PTPRN2: variants seen among roughly 807,000 people sequenced by gnomAD.
PTPRN2 encodes receptor-type tyrosine-protein phosphatase N2.
In PTPRN2, 74 loss-of-function variants were observed where a neutral mutation model predicts 118.8. The observed-to-expected ratio is 0.62, with a 90% confidence interval of 0.52 to 0.76. The LOEUF (loss-of-function observed/expected upper bound fraction) is 0.76. Ranked by LOEUF, PTPRN2 falls within the 30% of genes least tolerant of loss-of-function variation. The pLI is 0.00. For synonymous variants in PTPRN2, 641 were observed against 608.0 expected (o/e 1.05, Z -0.80); for missense variants, 1,481 against 1,394.4 (o/e 1.06, Z -0.99).
chr7:158,207,124 C>A (rs936501027), intron 3 of PTPRN2, among the ~76,000 whole-genome samples: 34 of 148,308 alleles, frequency 2.3e-4, no homozygotes, highest in Non-Finnish European at 4.1e-4. Context: ...CATGTCCCTA[C>A]AAAGGACATG....
At chr7:157,828,364 A>G (rs1807325149) in intron 12 of PTPRN2, among the ~76,000 whole-genome samples, 2 of 152,202 alleles carry the variant, frequency 1.3e-5, no homozygotes, top group Admixed American at 1.3e-4. Context: ...TACAGAGCCC[A>G]TGGACGGAAC....
At chr7:158,164,872 A>T (rs1215916020) in intron 6 of PTPRN2, among the ~76,000 whole-genome samples, 1 of 152,158 alleles carries the variant, frequency 6.6e-6, no homozygotes, top group Non-Finnish European at 1.5e-5. Context: ...GCTGAAGGTC[A>T]CCTCAGCCAT....
chr7:157,589,416 T>G (rs1298393083), intron 17 of PTPRN2, among the ~76,000 whole-genome samples: 1 of 152,146 alleles, frequency 6.6e-6, no homozygotes, highest in Non-Finnish European at 1.5e-5. Flanking sequence ...ATTTGGCAGG[T>G]GGGAGGCGTC....
chr7:158,531,227 T>C (rs1825209229), intron 1 of PTPRN2, among the ~76,000 whole-genome samples: 1 of 152,056 alleles, frequency 6.6e-6, no homozygotes, highest in Non-Finnish European at 1.5e-5. Context: ...CCTACAGCGC[T>C]CAGGTAACGG....
chr7:158,218,436 A>T (rs1480835699), intron 3 of PTPRN2, among the ~76,000 whole-genome samples: 3 of 152,182 alleles, frequency 2.0e-5, no homozygotes, highest in African/African-American at 4.8e-5. Context: ...AAGGTCCTTA[A>T]GGGAGTGCTA....
At chr7:157,626,042 G>A (rs1490694136) in intron 14 of PTPRN2, among the ~76,000 whole-genome samples, 2 of 152,124 alleles carry the variant, frequency 1.3e-5, no homozygotes, top group Admixed American at 6.5e-5. Flanking sequence ...GCAGAGATGA[G>A]GCTCACATCT....
intron 12 of PTPRN2, among the ~76,000 whole-genome samples, chr7:157,757,207 G>T (rs1801839194): frequency 6.7e-6 from 1 of 150,124 alleles, no homozygotes; most frequent in Admixed American, 6.6e-5. Flanking sequence ...AGACCGTCGA[G>T]GAACCCACAG....
chr7:158,503,816 C>T (rs564988039), intron 1 of PTPRN2, among the ~76,000 whole-genome samples: 2 of 152,194 alleles, frequency 1.3e-5, no homozygotes, highest in Admixed American at 6.5e-5. Context: ...GCCTGGCCAA[C>T]GTGGAGAAAC....
At chr7:158,233,966 C>G (rs530667429) in intron 3 of PTPRN2, among the ~76,000 whole-genome samples, 1 of 152,080 alleles carries the variant, frequency 6.6e-6, no homozygotes, top group African/African-American at 2.4e-5. Context: ...ATACAAAAAT[C>G]GAATCAAAAT....
Position 157,794,364 on chromosome 7 carries a change from G to GCGTCTGGC in PTPRN2, c.1788+104301_1788+104308dup, listed in dbSNP as rs535583758. 3.1e-4 allele frequency among the ~76,000 whole-genome samples: 47 copies of GCGTCTGGC among 152,306 alleles called. 1 individual carries two copies. In the East Asian group the frequency reaches 8.5e-3, roughly 28 times the overall value. On this transcript the variant is annotated intron_variant, in intron 12 of 22. Coordinates refer to ENST00000389418, the MANE Select transcript of PTPRN2 (RefSeq NM_002847.5). The surrounding 1 kb of genome is among the most constrained non-coding windows in gnomAD (Gnocchi z 5.2). ...CCAGGCTGCCTGCACTTCCGGTTCT[G>GCGTCTGGC]CGTCTGGCCGGCCTACGGGCACTCG...
chr7:157,571,388 A>G lies in PTPRN2; in HGVS notation c.2837+52T>C. 8.0e-6 allele frequency: 11 copies of G among 1,370,494 alleles called. No homozygotes were observed. In the South Asian group the frequency reaches 1.4e-4, roughly 17 times the overall value. 84.9% of individuals were successfully genotyped at this position (1,370,494 alleles called of 1,614,324 possible). ...TAAGCTTCTGTATTTAATTGCATAG[A>G]TTAGTTTTTGAGGTAGCCAAAACTT... On this transcript the variant is annotated intron_variant, in intron 20 of 22. Coordinates refer to ENST00000389418, the MANE Select transcript of PTPRN2 (RefSeq NM_002847.5).
chr7:157,612,592 G>A (rs1253251818), intron 15 of PTPRN2, among the ~76,000 whole-genome samples: 1 of 152,184 alleles, frequency 6.6e-6, no homozygotes, highest in Non-Finnish European at 1.5e-5. Flanking sequence ...ACCTGTGACC[G>A]ACGGTCTTGG....
chr7:157,603,933 C>T lies in PTPRN2; in HGVS notation c.2418+69G>A, dbSNP rs1460833325. 4.8e-6 allele frequency: 7 copies of T among 1,448,288 alleles called. No homozygotes were observed. The highest frequency in any genetic ancestry group is 2.3e-5 in the East Asian group (1 of 44,082). 89.7% of individuals were successfully genotyped at this position (1,448,288 alleles called of 1,614,324 possible). On this transcript the variant is annotated intron_variant, in intron 16 of 22. Coordinates refer to ENST00000389418, the MANE Select transcript of PTPRN2 (RefSeq NM_002847.5). This position sits in a 1 kb window ranked among gnomAD's most constrained non-coding sequence, Gnocchi z 5.4. Reference sequence around the variant, plus strand: ...GACGTGATTTCCCCCGAGAACCTTCCCACGTGATTTGCCGCGTCCGTGCCA... The same window carrying T: ...GACGTGATTTCCCCCGAGAACCTTCTCACGTGATTTGCCGCGTCCGTGCCA...
intron 2 of PTPRN2, among the ~76,000 whole-genome samples, chr7:158,326,553 A>C (rs1403796193): frequency 6.6e-6 from 1 of 152,212 alleles, no homozygotes. Flanking sequence ...ACAACCACAT[A>C]ATGCATGCAC....
At chr7:157,760,919 T>G (rs952289361) in intron 12 of PTPRN2, among the ~76,000 whole-genome samples, 9 of 152,168 alleles carry the variant, frequency 5.9e-5, no homozygotes, top group African/African-American at 1.9e-4. Flanking sequence ...TTCTCCTGCC[T>G]AATTGCCCTG....
rs1800977018 is a variant in PTPRN2 at position 157,953,674 on chromosome 7, G to A, written c.1724-54937C>T. The stretch of plus-strand genomic sequence containing the variant: ...CCCTCACAGACATCTCATTTTTTCA[G>A]AGCTGCATCATCAGAGCAGTTGGGG... On this transcript the variant is annotated intron_variant, in intron 11 of 22. Coordinates refer to ENST00000389418, the MANE Select transcript of PTPRN2 (RefSeq NM_002847.5). The surrounding 1 kb of genome is among the most constrained non-coding windows in gnomAD (Gnocchi z 4.6). Among the ~76,000 whole-genome samples, 1 of 152,020 alleles carries A rather than the reference G, an allele frequency of 6.6e-6. No homozygotes were observed. Among genetic ancestry groups the A allele is most frequent in the Non-Finnish European group, 1.5e-5 (1 of 68,004 alleles).
intron 9 of PTPRN2, among the ~76,000 whole-genome samples, chr7:158,111,273 T>C (rs77031925): frequency 1.3e-5 from 2 of 152,234 alleles, no homozygotes; most frequent in Non-Finnish European, 1.5e-5. Flanking sequence ...CATCTGTTTT[T>C]AATGGGCTCA....
At chr7:157,659,381 C>T (rs1409867211) in intron 13 of PTPRN2, among the ~76,000 whole-genome samples, 2 of 48,988 alleles carry the variant, frequency 4.1e-5, no homozygotes, top group African/African-American at 9.0e-5. Flanking sequence ...AAGGGGGGGA[C>T]GGCCGCGGGG....
At chr7:157,552,560 G>A (rs1040159087) in intron 21 of PTPRN2, among the ~76,000 whole-genome samples, 3 of 152,190 alleles carry the variant, frequency 2.0e-5, no homozygotes, top group African/African-American at 7.2e-5. Context: ...CACGTTTAGA[G>A]CACGCTATTT....
Sources: gnomAD v4.1 joint callset for allele counts (sites outside exome capture counted in the v4.1 genomes callset) on GRCh38, gnomAD v4.1.1 for gene constraint, Gnocchi (gnomAD v3.1) non-coding constraint, MANE v1.5 for transcripts, NCBI Gene and HGNC (gene_info 2026-07-23, HGNC 2026-07-21) for gene names.